Variants in ZNF679 observed in about 807,000 individuals in gnomAD.
The protein encoded by ZNF679 is hypothetical protein MGC42415.
In ZNF679, 10 loss-of-function variants were observed where a neutral mutation model predicts 13.4. The ratio of observed to expected loss-of-function variants is 0.75; its 90% CI spans 0.46 to 1.27. The LOEUF is 1.27. Ranked by LOEUF, ZNF679 falls within the 50% of genes most tolerant of loss-of-function variation. The probability of loss-of-function intolerance (pLI) is 0.00; values close to 1 mark genes in which losing one functional copy is unlikely to be tolerated. For missense variants in ZNF679, 525 were observed against 477.8 expected, an observed-to-expected ratio of 1.10 and a Z score of -0.92; for synonymous variants, 179 against 162.5, an observed-to-expected ratio of 1.10 and a Z score of -0.77.
intron 1 of ZNF679, among the ~76,000 whole-genome samples, chr7:64,232,584 C>G (rs1233371430): frequency 1.3e-5 from 2 of 152,186 alleles, no homozygotes; most frequent in Non-Finnish European, 2.9e-5. Context: ...AAGCAGAATG[C>G]AGGCAGGCAT....
intron 4 of ZNF679, among the ~76,000 whole-genome samples, chr7:64,265,678 C>A (rs945268217): frequency 1.3e-5 from 2 of 152,034 alleles, no homozygotes; most frequent in African/African-American, 4.8e-5. Flanking sequence ...TGGTATTGTG[C>A]CCACCTGGTG....
chr7:64,257,694 A>G (rs1788021132), intron 2 of ZNF679, among the ~76,000 whole-genome samples: 1 of 152,144 alleles, frequency 6.6e-6, no homozygotes, highest in Non-Finnish European at 1.5e-5. Flanking sequence ...TTTCTCTGTA[A>G]ACTTAAAAAA....
chr7:64,229,731 T>A (rs1218710554), intron 1 of ZNF679, among the ~76,000 whole-genome samples: 2 of 152,160 alleles, frequency 1.3e-5, no homozygotes, highest in Admixed American at 6.5e-5. Flanking sequence ...AAAAAATCTG[T>A]TGTATTTGCT....
At chr7:64,255,059 G>C (rs1787988177) in intron 2 of ZNF679, among the ~76,000 whole-genome samples, 1 of 151,260 alleles carries the variant, frequency 6.6e-6, no homozygotes, top group Non-Finnish European at 1.5e-5. Flanking sequence ...CACAGATTTG[G>C]TGTCAGAAAA....
chr7:64,246,754 G>A (rs1259991677), intron 1 of ZNF679, among the ~76,000 whole-genome samples: 1 of 150,708 alleles, frequency 6.6e-6, no homozygotes, highest in Non-Finnish European at 1.5e-5. Flanking sequence ...AAAAGAAAGA[G>A]AAAGAAAGGA....
intron 1 of ZNF679, among the ~76,000 whole-genome samples, chr7:64,245,874 T>C (rs1281175065): frequency 6.6e-6 from 1 of 152,048 alleles, no homozygotes; most frequent in Non-Finnish European, 1.5e-5. Context: ...GGTGTGGTGG[T>C]GGGTGCCTGT....
chr7:64,230,736 T>C (rs2116503429), intron 1 of ZNF679, among the ~76,000 whole-genome samples: 1 of 152,236 alleles, frequency 6.6e-6, no homozygotes, highest in Non-Finnish European at 1.5e-5. Context: ...CTCACATTGG[T>C]CCCAACACCA....
rs767858647 is a variant in ZNF679, at chr7:64,266,628, C to A, written c.995C>A (p.Ala332Asp). 1 of 1,610,570 alleles carries A rather than the reference C, an allele frequency of 6.2e-7. No individual in the cohort carries two copies. Among genetic ancestry groups the A allele is most frequent in the East Asian group, 2.2e-5 (1 of 44,830 alleles). The change falls in exon 5 of 5, where the codon GCC becomes GAC. Residue 332 changes from alanine to aspartate, a missense_variant. Coordinates refer to ENST00000421025, the MANE Select transcript of ZNF679 (RefSeq NM_153363.3). ...KPYTCEECGK[A>D]FNCSSTLKKH... is the part of the protein sequence containing the mutation. ...TACACATGTGAAGAATGTGGCAAAG[C>A]CTTTAACTGCTCCTCAACCCTTAAG...
At chr7:64,246,333 G>A (rs752615802) in intron 1 of ZNF679, among the ~76,000 whole-genome samples, 10 of 152,116 alleles carry the variant, frequency 6.6e-5, no homozygotes, top group South Asian at 2.1e-4. Context: ...TGGGTTGGGC[G>A]TTTCCTTAGC....
At chr7:64,244,174 C>T (rs1336646550) in intron 1 of ZNF679, among the ~76,000 whole-genome samples, 1 of 152,154 alleles carries the variant, frequency 6.6e-6, no homozygotes, top group East Asian at 1.9e-4. Context: ...TGCTTGATCC[C>T]GGTAGGTGGA....
chr7:64,260,604 C>T (rs1159879771), intron 3 of ZNF679, among the ~76,000 whole-genome samples: 2 of 152,050 alleles, frequency 1.3e-5, no homozygotes, highest in East Asian at 1.9e-4. Context: ...TATCGTTGCC[C>T]ACACCTTAGA....
At chr7:64,235,134 G>A (rs1787691313) in intron 1 of ZNF679, among the ~76,000 whole-genome samples, 6 of 151,948 alleles carry the variant, frequency 3.9e-5, no homozygotes, top group Admixed American at 2.0e-4. Context: ...CACTGAGCCC[G>A]GCCATATCAA....
chr7:64,258,245 C>G (rs1470712391), intron 2 of ZNF679, among the ~76,000 whole-genome samples: 1 of 151,906 alleles, frequency 6.6e-6, no homozygotes, highest in East Asian at 1.9e-4. Context: ...GTCTTTCTGC[C>G]GTGGGTGTGT....
Position 64,266,253 on chromosome 7 carries a change from C to T in ZNF679, c.620C>T (p.Thr207Ile). 2 of 1,584,970 alleles carry T rather than the reference C, an allele frequency of 1.3e-6. No homozygotes were observed. The highest frequency in any genetic ancestry group is 1.7e-6 in the Non-Finnish European group (2 of 1,164,366). Residue 207 changes from threonine to isoleucine, a missense_variant, in exon 5 of 5, where the codon ACT (threonine) becomes ATT (isoleucine). Physicochemically the swap from Thr to Ile is moderately conservative, Grantham distance 89. Coordinates refer to ENST00000421025, the MANE Select transcript of ZNF679 (RefSeq NM_153363.3). ...SQLHQHQIIHTRENSYQCEEC... is the reference protein window; with the variant it reads ...SQLHQHQIIHIRENSYQCEEC... Reference sequence around the variant, plus strand: ...CTACATCAACATCAGATAATTCATACTAGGGAGAATTCCTACCAATGTGAA... The same window carrying T: ...CTACATCAACATCAGATAATTCATATTAGGGAGAATTCCTACCAATGTGAA...
chr7:64,264,604 A>G (rs1167340349), intron 4 of ZNF679, among the ~76,000 whole-genome samples: 2 of 151,314 alleles, frequency 1.3e-5, no homozygotes, highest in African/African-American at 4.9e-5. Context: ...GAAGATCTTT[A>G]TTTTTTCTTT....
chr7:64,246,351 T>G (rs1158553371), intron 1 of ZNF679, among the ~76,000 whole-genome samples: 1 of 152,194 alleles, frequency 6.6e-6, no homozygotes, highest in Non-Finnish European at 1.5e-5. Context: ...AGCATCATCC[T>G]TTTGTGATTC....
intron 1 of ZNF679, among the ~76,000 whole-genome samples, chr7:64,236,927 AAG>A (rs1304373567): frequency 1.7e-4 from 6 of 35,398 alleles, no homozygotes; most frequent in East Asian, 1.7e-3. Context: ...AGAAAGAAGA[AAG>A]AAAGAAAGAA....
At chr7:64,243,395 T>A (rs2116520582) in intron 1 of ZNF679, among the ~76,000 whole-genome samples, 1 of 152,218 alleles carries the variant, frequency 6.6e-6, no homozygotes. Flanking sequence ...AAAATTCACA[T>A]CTGGGTGCTA....
chr7:64,266,869 A>C lies in ZNF679; in HGVS notation c.1236A>C (p.Ter412TyrextTer18). 1 of 1,559,606 alleles carries C rather than the reference A, an allele frequency of 6.4e-7. No homozygotes were observed. The highest frequency in any genetic ancestry group is 8.7e-7 in the Non-Finnish European group (1 of 1,153,280). The change falls in exon 5 of 5, where the codon TAA becomes TAC. Residue 412 changes from the stop codon to tyrosine, a stop_lost. Coordinates refer to ENST00000421025, the MANE Select transcript of ZNF679 (RefSeq NM_153363.3). ...GAGAGAAACCCTACAAATGTGAATAATGTGATAAAGTCCAGCCTTCAGACC... is the reference window on the plus strand; with the variant it reads ...GAGAGAAACCCTACAAATGTGAATACTGTGATAAAGTCCAGCCTTCAGACC... ...HTGEKPYKCE* is the reference protein window; with the variant it reads ...HTGEKPYKCEY
Sources: gnomAD v4.1 joint callset for allele counts (sites outside exome capture counted in the v4.1 genomes callset) on GRCh38, gnomAD v4.1.1 for gene constraint, MANE v1.5 for transcripts, NCBI Gene and HGNC (gene_info 2026-07-23, HGNC 2026-07-21) for gene names.